BNC2: variants seen among roughly 807,000 people sequenced by gnomAD.
BNC2 encodes the protein zinc finger protein basonuclin-2.
Under a neutral mutation model 76.3 loss-of-function variants are expected in BNC2, and 20 were observed. The observed-to-expected ratio is 0.26, with a 90% confidence interval of 0.18 to 0.38. The LOEUF (loss-of-function observed/expected upper bound fraction) is 0.38. BNC2 is among the 10% of genes least tolerant of loss of function. BNC2 has a pLI of 1.00. For missense variants in BNC2, 1,382 were observed against 1,399.8 expected (o/e 0.99, Z 0.20); for synonymous variants, 582 against 514.8 (o/e 1.13, Z -1.77).
intron 1 of BNC2, among the ~76,000 whole-genome samples, chr9:16,862,635 T>C (rs1000955934): frequency 4.6e-5 from 7 of 152,064 alleles, no homozygotes; most frequent in African/African-American, 1.7e-4. Context: ...CTGCAGAGAG[T>C]AGCTACTGCC....
chr9:16,698,087 C>A (rs993426988), intron 3 of BNC2, among the ~76,000 whole-genome samples: 2 of 152,154 alleles, frequency 1.3e-5, no homozygotes, highest in South Asian at 2.1e-4. Flanking sequence ...TAGAGCCCTG[C>A]CTATTCCTTT....
chr9:16,854,389 A>G (rs2136173245), intron 1 of BNC2, among the ~76,000 whole-genome samples: 1 of 152,352 alleles, frequency 6.6e-6, no homozygotes, highest in Non-Finnish European at 1.5e-5. Context: ...CACAGAAAAC[A>G]GATACAGAGA....
chr9:16,861,511 T>C (rs1379097114), intron 1 of BNC2, among the ~76,000 whole-genome samples: 1 of 152,016 alleles, frequency 6.6e-6, no homozygotes, highest in Non-Finnish European at 1.5e-5. Context: ...AAATGGCCAA[T>C]GGAGACATGT....
At chr9:16,703,352 C>T (rs970043102) in intron 3 of BNC2, among the ~76,000 whole-genome samples, 1 of 151,896 alleles carries the variant, frequency 6.6e-6, no homozygotes, top group Admixed American at 6.6e-5. Context: ...AAATAAAAAT[C>T]CAGCACAGAG....
chr9:16,606,953 T>G (rs7859409), intron 3 of BNC2, among the ~76,000 whole-genome samples: 8,519 of 152,104 alleles, frequency 0.056, 828 homozygotes, highest in African/African-American at 0.19. Context: ...CTAAACGGAC[T>G]AACACATTTA....
At chr9:16,765,551 ATATGT>A (rs1404441860) in intron 1 of BNC2, among the ~76,000 whole-genome samples, 2 of 152,168 alleles carry the variant, frequency 1.3e-5, no homozygotes, top group Admixed American at 6.5e-5. Flanking sequence ...AAAAGCTGAA[ATATGT>A]TAGGTAATGA....
chr9:16,430,609 T>C (rs917780426), intron 6 of BNC2, among the ~76,000 whole-genome samples: 1 of 152,222 alleles, frequency 6.6e-6, no homozygotes, highest in African/African-American at 2.4e-5. Flanking sequence ...GTCGTTAATG[T>C]ATGCAGTGGC....
intron 3 of BNC2, among the ~76,000 whole-genome samples, chr9:16,628,329 G>A (rs950921946): frequency 1.3e-5 from 2 of 152,156 alleles, no homozygotes; most frequent in African/African-American, 4.8e-5. Flanking sequence ...CAGCCATCTT[G>A]TTTAGAGAAA....
chr9:16,563,338 G>A (rs929724616), intron 4 of BNC2, among the ~76,000 whole-genome samples: 1 of 151,970 alleles, frequency 6.6e-6, no homozygotes, highest in Non-Finnish European at 1.5e-5. Context: ...AATTTATAGG[G>A]CAGGACTTGG....
intron 1 of BNC2, among the ~76,000 whole-genome samples, chr9:16,764,087 CT>C (rs1277141553): frequency 1.3e-5 from 2 of 152,226 alleles, no homozygotes; most frequent in Non-Finnish European, 2.9e-5. Context: ...ACATTGCTCT[CT>C]CTTTCCCACC....
intron 3 of BNC2, among the ~76,000 whole-genome samples, chr9:16,653,153 A>G (rs1821837995): frequency 6.6e-6 from 1 of 152,224 alleles, no homozygotes; most frequent in Admixed American, 6.5e-5. Context: ...TTTTAAGACT[A>G]TAAAGAGACC....
At chr9:16,694,090 T>G (rs531484009) in intron 3 of BNC2, among the ~76,000 whole-genome samples, 1 of 152,242 alleles carries the variant, frequency 6.6e-6, no homozygotes, top group African/African-American at 2.4e-5. Flanking sequence ...AGAGTTTACT[T>G]AGGAAGAAAA....
intron 1 of BNC2, among the ~76,000 whole-genome samples, chr9:16,752,429 T>TGTG (rs1825247250): frequency 6.6e-6 from 1 of 151,738 alleles, no homozygotes; most frequent in Non-Finnish European, 1.5e-5. Flanking sequence ...GTCAATGTGT[T>TGTG]TGGGCGGCAG....
chr9:16,835,596 G>A (rs566753393), intron 1 of BNC2, among the ~76,000 whole-genome samples: 1 of 152,214 alleles, frequency 6.6e-6, no homozygotes, highest in African/African-American at 2.4e-5. Flanking sequence ...AGCTACTTGG[G>A]AGACTGAGGC....
At chr9:16,808,479 CTTTTTTTT>C (rs768028981) in intron 1 of BNC2, among the ~76,000 whole-genome samples, 1,206 of 78,730 alleles carry the variant, frequency 0.015, 22 homozygotes, top group African/African-American at 0.058. Context: ...TCTTGGGCAA[CTTTTTTTT>C]TTTTTTTTTT....
chr9:16,751,698 A>ATATATATGTATGTGTGTGTG (rs1563927032), intron 1 of BNC2, among the ~76,000 whole-genome samples: 7 of 140,276 alleles, frequency 5.0e-5, no homozygotes, highest in Non-Finnish European at 9.1e-5. Flanking sequence ...GTGTGTATAT[A>ATATATATGTATGTGTGTGTG]TATATATATG....
intron 1 of BNC2, among the ~76,000 whole-genome samples, chr9:16,859,093 G>A (rs1184820828): frequency 1.3e-5 from 2 of 151,892 alleles, no homozygotes; most frequent in Non-Finnish European, 1.5e-5. Flanking sequence ...CAAAAAGCAC[G>A]TGAAAATATG....
chr9:16,870,005 G>C (rs1416217977), intron 1 of BNC2, among the ~76,000 whole-genome samples: 2 of 152,152 alleles, frequency 1.3e-5, no homozygotes, highest in South Asian at 2.1e-4. Flanking sequence ...GTCTCTGCAA[G>C]GTTGATTTTC....
intron 1 of BNC2, among the ~76,000 whole-genome samples, chr9:16,765,978 G>A (rs1317567202): frequency 2.6e-5 from 4 of 151,836 alleles, no homozygotes; most frequent in Admixed American, 6.6e-5. Flanking sequence ...TAGTAGAGAC[G>A]GGATTTCACC....
Sources: allele counts gnomAD v4.1 joint callset (sites outside exome capture counted in the v4.1 genomes callset), GRCh38; gene constraint gnomAD v4.1.1; transcripts MANE v1.5; gene names NCBI Gene and HGNC (gene_info 2026-07-23, HGNC 2026-07-21).